STXBP3: variants seen among roughly 807,000 people sequenced by gnomAD.
The protein encoded by STXBP3 is syntaxin-binding protein 3.
STXBP3 carries 41 observed loss-of-function variants against 85.7 expected under a neutral mutation model. The observed-to-expected ratio is 0.48, with a 90% CI of 0.37 to 0.62. The LOEUF (loss-of-function observed/expected upper bound fraction) is 0.62, where lower values mean the gene tolerates loss of function less well. Ranked by LOEUF, STXBP3 falls within the 20% of genes least tolerant of loss-of-function variation. The pLI is 0.00. For missense variants in STXBP3, 563 were observed against 703.1 expected, an observed-to-expected ratio of 0.80 and a Z score of 2.25; for synonymous variants, 229 against 231.7, an observed-to-expected ratio of 0.99 and a Z score of 0.10.
At chr1:108,779,467 C>G in intron 9 of STXBP3, 57 bp downstream of exon 9, 1 of 1,499,660 alleles carries the variant, frequency 6.7e-7, no homozygotes. Context: ...AGAATATGAG[C>G]ATTTAATGAT....
intron 8 of STXBP3, 89 bp from the exon 9 acceptor site, chr1:108,779,197 A>T (rs1418906931): frequency 8.6e-6 from 12 of 1,395,190 alleles, no homozygotes; most frequent in African/African-American, 1.4e-5. Context: ...AGAACTTAGG[A>T]AAAGGGTGCT....
chr1:108,796,496 C>A, intron 14 of STXBP3, 124 bp downstream of exon 14: 1 of 1,152,516 alleles, frequency 8.7e-7, no homozygotes, highest in Non-Finnish European at 1.2e-6. Context: ...CGAGAGAAGA[C>A]TGAAGGAGAT....
chr1:108,782,890 A>G (rs898721609), intron 11 of STXBP3, among the ~76,000 whole-genome samples, 184 bp downstream of exon 11: 2 of 152,160 alleles, frequency 1.3e-5, no homozygotes, highest in Non-Finnish European at 2.9e-5. Context: ...GTCCTGCTTC[A>G]TTAAAATTTT....
Position 108,746,743 on chromosome 1 carries a change from G to C in STXBP3, c.6G>C (p.Ala2=). 6.5e-7 allele frequency: 1 copy of C among 1,550,044 alleles called. No individual in the cohort carries two copies. The highest frequency in any genetic ancestry group is 1.8e-4 in the Middle Eastern group (1 of 5,544). Residue 2 remains alanine, a synonymous_variant, in exon 1 of 19, where the codon GCG becomes GCC. Coordinates refer to ENST00000370008, the MANE Select transcript of STXBP3 (RefSeq NM_007269.4). The part of the protein sequence containing the change: M[A]PPVAERGLKS... Reference sequence around the variant, plus strand: ...TGCTCCGCAGTGTCGGGAAGATGGCGCCGCCGGTGGCAGAGAGGGGGCTAA... The same window carrying C: ...TGCTCCGCAGTGTCGGGAAGATGGCCCCGCCGGTGGCAGAGAGGGGGCTAA...
intron 6 of STXBP3, among the ~76,000 whole-genome samples, chr1:108,763,231 T>G (rs1287266687): frequency 6.6e-6 from 1 of 152,214 alleles, no homozygotes; most frequent in Non-Finnish European, 1.5e-5. Context: ...TTTACATTAG[T>G]AGTTTCTTAT....
chr1:108,752,795 A>G (rs1452159240), intron 2 of STXBP3, among the ~76,000 whole-genome samples: 1 of 152,240 alleles, frequency 6.6e-6, no homozygotes, highest in Admixed American at 6.5e-5. Flanking sequence ...AATTTTAAGA[A>G]AATTTGATGT....
At chr1:108,755,083 G>A (rs1661990211) in intron 3 of STXBP3, among the ~76,000 whole-genome samples, 2 of 151,682 alleles carry the variant, frequency 1.3e-5, no homozygotes, top group Non-Finnish European at 1.5e-5. Context: ...AAACAAAATC[G>A]GGAAAAAAAA....
At chr1:108,759,522 TATTATA>T (rs1662090427) in intron 5 of STXBP3, among the ~76,000 whole-genome samples, 2 of 152,176 alleles carry the variant, frequency 1.3e-5, no homozygotes, top group Admixed American at 1.3e-4. Flanking sequence ...CAGAACTTAG[TATTATA>T]GAGTCTTAGA....
At chr1:108,772,878 A>G in intron 7 of STXBP3, 59 bp downstream of exon 7, 1 of 1,407,270 alleles carries the variant, frequency 7.1e-7, no homozygotes, top group Non-Finnish European at 9.4e-7. Context: ...TTATAGAGGT[A>G]AGTAATGTGT....
chr1:108,762,801 C>G (rs548438557), intron 6 of STXBP3, among the ~76,000 whole-genome samples: 39 of 152,154 alleles, frequency 2.6e-4, no homozygotes, highest in Non-Finnish European at 5.0e-4. Flanking sequence ...TATATCTATC[C>G]TGTAGGACAG....
At position 108,779,359 on chromosome 1, in the gene STXBP3, C is replaced by T. The variant is rs1662666668; in HGVS notation, c.758C>T (p.Thr253Ile). 1.2e-6 allele frequency: 2 copies of T among 1,612,790 alleles called. No homozygotes were observed. The highest frequency in any genetic ancestry group is 1.7e-6 in the Non-Finnish European group (2 of 1,179,290). ...DPVSTVLHEL[T>I]FQAMAYDLLP... ...GTGTCCACTGTCCTGCATGAACTGA[C>T]CTTTCAGGCAATGGCATATGATCTA... The change falls in exon 9 of 19, where the codon ACC (threonine) becomes ATC (isoleucine). Residue 253 changes from threonine (T) to isoleucine (I), a missense_variant. Coordinates refer to ENST00000370008, the MANE Select transcript of STXBP3 (RefSeq NM_007269.4).
intron 1 of STXBP3, among the ~76,000 whole-genome samples, chr1:108,747,210 C>G (rs1661809336): frequency 7.2e-6 from 1 of 139,252 alleles, no homozygotes; most frequent in Non-Finnish European, 1.6e-5. Flanking sequence ...GCCCCCATCT[C>G]CACCCCACAC....
At chr1:108,797,414 CTTTTT>C (rs1322961126) in intron 15 of STXBP3, among the ~76,000 whole-genome samples, 2 of 135,124 alleles carry the variant, frequency 1.5e-5, no homozygotes, top group African/African-American at 5.4e-5. Context: ...TCTTTCCCAT[CTTTTT>C]TTTTTTTTTT....
intron 7 of STXBP3, among the ~76,000 whole-genome samples, chr1:108,775,822 C>T (rs528871251): frequency 2.7e-4 from 41 of 151,622 alleles, no homozygotes; most frequent in African/African-American, 9.0e-4. Context: ...TTAGAGGAAT[C>T]GATACATAGA....
intron 7 of STXBP3, among the ~76,000 whole-genome samples, chr1:108,773,981 C>T (rs566265397): frequency 6.6e-6 from 1 of 152,296 alleles, no homozygotes; most frequent in Admixed American, 6.5e-5. Context: ...TTAACAGCAT[C>T]TCAGAGGCCT....
intron 8 of STXBP3, 69 bp from the exon 9 acceptor site, chr1:108,779,216 TA>T: frequency 6.6e-7 from 1 of 1,513,088 alleles, no homozygotes; most frequent in Non-Finnish European, 8.9e-7. Flanking sequence ...CTTTGTATTC[TA>T]AGATATTAAA....
chr1:108,759,878 T>C (rs1570749422), intron 5 of STXBP3, 107 bp from the exon 6 acceptor site: 1 of 691,810 alleles, frequency 1.4e-6, no homozygotes, highest in East Asian at 2.9e-5. Context: ...TCATAATAAC[T>C]GTGAAAGCCA....
At chr1:108,764,964 C>G (rs1292781930) in intron 6 of STXBP3, among the ~76,000 whole-genome samples, 1 of 152,192 alleles carries the variant, frequency 6.6e-6, no homozygotes. Flanking sequence ...GTTCCTACGT[C>G]CAGAATGGTA....
chr1:108,789,637 A>G (rs1662934901), intron 11 of STXBP3, among the ~76,000 whole-genome samples: 1 of 152,208 alleles, frequency 6.6e-6, no homozygotes, highest in Non-Finnish European at 1.5e-5. Flanking sequence ...CATGTGTTAT[A>G]TAGGGAATAC....
Sources: allele counts gnomAD v4.1 joint callset (sites outside exome capture counted in the v4.1 genomes callset), GRCh38; gene constraint gnomAD v4.1.1; transcripts MANE v1.5; gene names NCBI Gene and HGNC (gene_info 2026-07-23, HGNC 2026-07-21).